Variants in ARHGAP10 observed in about 807,000 individuals in gnomAD.
ARHGAP10 encodes the protein rho GTPase-activating protein 10.
In ARHGAP10, 87 loss-of-function variants were observed where a neutral mutation model predicts 108.6. The observed-to-expected ratio is 0.80, with a 90% confidence interval of 0.67 to 0.96. The LOEUF (loss-of-function observed/expected upper bound fraction) is 0.96. Among genes scored for constraint, ARHGAP10 ranks in the 40% least tolerant of loss-of-function variants. ARHGAP10 has a pLI of 0.00. For synonymous variants in ARHGAP10, 347 were observed against 341.1 expected (o/e 1.02, Z -0.19); for missense variants, 939 against 954.5 (o/e 0.98, Z 0.21).
intron 18 of ARHGAP10, among the ~76,000 whole-genome samples, chr4:148,021,689 G>A (rs909214959): frequency 2.0e-5 from 3 of 152,086 alleles, no homozygotes; most frequent in Admixed American, 1.3e-4. Context: ...TCTTACATCT[G>A]AACAATGACA....
chr4:147,836,149 T>C (rs182700501), intron 3 of ARHGAP10, among the ~76,000 whole-genome samples: 6 of 152,362 alleles, frequency 3.9e-5, no homozygotes, highest in Admixed American at 2.0e-4. Flanking sequence ...GCTTTTCTTT[T>C]GTGGGAGGCA....
intron 1 of ARHGAP10, among the ~76,000 whole-genome samples, chr4:147,788,027 G>A (rs901914727): frequency 2.6e-5 from 4 of 152,110 alleles, no homozygotes; most frequent in African/African-American, 9.7e-5. Flanking sequence ...ATTTACTTTA[G>A]GATTTATCAT....
intron 18 of ARHGAP10, among the ~76,000 whole-genome samples, chr4:147,975,647 G>A (rs1040408385): frequency 2.6e-5 from 4 of 152,196 alleles, no homozygotes; most frequent in African/African-American, 7.2e-5. Flanking sequence ...CTTTTCTAAC[G>A]AACTCTCTTG....
chr4:147,794,335 A>G (rs1329980823), intron 1 of ARHGAP10, among the ~76,000 whole-genome samples: 1 of 152,216 alleles, frequency 6.6e-6, no homozygotes, highest in African/African-American at 2.4e-5. Flanking sequence ...GCAACATTTT[A>G]TGTCAATCTT....
chr4:147,961,422 C>G (rs1738990580), intron 16 of ARHGAP10, among the ~76,000 whole-genome samples: 1 of 152,030 alleles, frequency 6.6e-6, no homozygotes, highest in Non-Finnish European at 1.5e-5. Context: ...GTAGTTCTTT[C>G]TAATCTGATT....
At position 147,874,775 on chromosome 4, in the gene ARHGAP10, G is replaced by A. The variant is rs375920534; in HGVS notation, c.703-246G>A. Among the ~76,000 whole-genome samples, 40 of 152,250 alleles carry A rather than the reference G, an allele frequency of 2.6e-4. No homozygotes were observed. The South Asian group carries it at 7.7e-3, about 29-fold the overall frequency. The stretch of plus-strand genomic sequence containing the variant: ...GTAAAATTATTAATGGTGTTAGAAA[G>A]CCTCCAAAGTAACCTGTAGTAACCT... On this transcript the variant is annotated intron_variant, in intron 7 of 22. Coordinates refer to ENST00000336498, the MANE Select transcript of ARHGAP10 (RefSeq NM_024605.4).
rs570283771 is a variant in ARHGAP10 at position 147,892,852 on chromosome 4, G to A, written c.1034+10920G>A. 2.6e-5 allele frequency among the ~76,000 whole-genome samples: 4 copies of A among 152,254 alleles called. No homozygotes were observed. In the South Asian group the frequency reaches 8.3e-4, roughly 32 times the overall value. The stretch of plus-strand genomic sequence containing the variant: ...ATTTTAACTGTGTGTTTGGGGGCTG[G>A]GGGTTAGAAGAGGGCAGGGAGTTGC... On this transcript the variant is annotated intron_variant, in intron 10 of 22. Coordinates refer to ENST00000336498, the MANE Select transcript of ARHGAP10 (RefSeq NM_024605.4).
chr4:147,757,552 CT>C (rs1729430470), intron 1 of ARHGAP10, among the ~76,000 whole-genome samples: 1 of 152,196 alleles, frequency 6.6e-6, no homozygotes, highest in Admixed American at 6.5e-5. Context: ...CCCAGTTTTG[CT>C]GCCATGTCCA....
intron 3 of ARHGAP10, among the ~76,000 whole-genome samples, chr4:147,843,810 G>A (rs571529976): frequency 7.2e-5 from 11 of 152,278 alleles, no homozygotes; most frequent in East Asian, 1.9e-4. Flanking sequence ...CACTGCACCC[G>A]GCCTGAACCC....
chr4:147,931,093 C>A (rs1009534071), intron 13 of ARHGAP10, among the ~76,000 whole-genome samples: 1 of 152,114 alleles, frequency 6.6e-6, no homozygotes, highest in Non-Finnish European at 1.5e-5. Flanking sequence ...CACTTTTTGA[C>A]CCTCTCCTCT....
At chr4:147,774,728 C>T (rs529259626) in intron 1 of ARHGAP10, among the ~76,000 whole-genome samples, 5 of 152,214 alleles carry the variant, frequency 3.3e-5, no homozygotes, top group Admixed American at 3.3e-4. Flanking sequence ...TTCGTTTCTT[C>T]CTTGAACTTG....
At chr4:147,976,914 C>G (rs1739617620) in intron 18 of ARHGAP10, among the ~76,000 whole-genome samples, 1 of 152,216 alleles carries the variant, frequency 6.6e-6, no homozygotes, top group Non-Finnish European at 1.5e-5. Flanking sequence ...AGAAAGCATA[C>G]TGAGTACAAG....
intron 3 of ARHGAP10, among the ~76,000 whole-genome samples, chr4:147,845,918 CTT>C (rs759169195): frequency 5.9e-5 from 9 of 152,178 alleles, no homozygotes; most frequent in Admixed American, 1.3e-4. Flanking sequence ...TTGTAGGACT[CTT>C]TGGTTTGCCA....
At chr4:147,904,900 C>G (rs1736408818) in intron 10 of ARHGAP10, among the ~76,000 whole-genome samples, 1 of 152,094 alleles carries the variant, frequency 6.6e-6, no homozygotes. Flanking sequence ...TCTGTTGTTT[C>G]CTGACTTTTT....
At chr4:147,844,614 A>G (rs1351182436) in intron 3 of ARHGAP10, among the ~76,000 whole-genome samples, 2 of 152,206 alleles carry the variant, frequency 1.3e-5, no homozygotes, top group Non-Finnish European at 2.9e-5. Context: ...AATAAGTAGA[A>G]TTGTTATCTC....
intron 1 of ARHGAP10, among the ~76,000 whole-genome samples, chr4:147,742,596 G>A (rs1728728677): frequency 6.9e-6 from 1 of 144,472 alleles, no homozygotes; most frequent in African/African-American, 2.5e-5. Flanking sequence ...CGATTCTCCT[G>A]CCCCAGCATC....
intron 20 of ARHGAP10, among the ~76,000 whole-genome samples, chr4:148,060,227 G>A (rs913960513): frequency 1.3e-5 from 2 of 151,932 alleles, no homozygotes; most frequent in African/African-American, 2.4e-5. Flanking sequence ...ACCGTTTTTT[G>A]AGAAAATGTA....
intron 7 of ARHGAP10, among the ~76,000 whole-genome samples, chr4:147,867,039 C>A (rs1734595525): frequency 6.6e-6 from 1 of 152,134 alleles, no homozygotes. Context: ...CCTGCAGTTT[C>A]TGGGTCAATT....
intron 1 of ARHGAP10, among the ~76,000 whole-genome samples, chr4:147,799,811 G>GT (rs960257306): frequency 1.3e-5 from 2 of 152,260 alleles, no homozygotes; most frequent in African/African-American, 4.8e-5. Context: ...GTTAGGGTCA[G>GT]TTTTTTGGCT....
Sources: gnomAD v4.1 joint callset for allele counts (sites outside exome capture counted in the v4.1 genomes callset) on GRCh38, gnomAD v4.1.1 for gene constraint, MANE v1.5 for transcripts, NCBI Gene and HGNC (gene_info 2026-07-23, HGNC 2026-07-21) for gene names.